THADA: variants seen among roughly 807,000 people sequenced by gnomAD.
The protein encoded by THADA is tRNA (32-2'-O)-methyltransferase regulator THADA.
THADA carries 213 observed loss-of-function variants against 219.8 expected under a neutral mutation model. The observed-to-expected ratio is 0.97, with a 90% CI of 0.87 to 1.09. The LOEUF is 1.09. Among genes scored for constraint, THADA ranks in the 50% least tolerant of loss-of-function variants. The pLI, the probability that THADA is intolerant of heterozygous loss-of-function variation, is 0.00. For missense variants in THADA, 2,956 were observed against 2,311.3 expected (o/e 1.28, Z -5.72); for synonymous variants, 1,018 against 828.9 (o/e 1.23, Z -3.92).
chr2:43,248,433 T>C (rs984670418), intron 36 of THADA, among the ~76,000 whole-genome samples: 11 of 152,000 alleles, frequency 7.2e-5, no homozygotes, highest in African/African-American at 2.7e-4. Flanking sequence ...GGTTTTGCCA[T>C]GTTGGCCAGG....
rs185698821 is a variant in THADA at position 43,497,715 on chromosome 2, T to C, written c.3744+1118A>G. ...GCCTGGCTAACATAGTGAAACCCTC[T>C]CTCTACCAAAAATACAAAAATTAGC... On this transcript the variant is annotated intron_variant, in intron 25 of 37. Transcript: ENST00000405975. Among the ~76,000 whole-genome samples, 4 of 152,154 alleles carry C rather than the reference T, an allele frequency of 2.6e-5. No individual in the cohort carries two copies. In the East Asian group the frequency reaches 7.7e-4, roughly 29 times the overall value.
intron 29 of THADA, among the ~76,000 whole-genome samples, chr2:43,385,529 C>A (rs1032835916): frequency 6.6e-6 from 1 of 150,846 alleles, no homozygotes; most frequent in Non-Finnish European, 1.5e-5. Flanking sequence ...ATGGCGTGAA[C>A]CCGGAAGGCG....
chr2:43,381,535 CACG>C (rs1293992792), intron 29 of THADA, among the ~76,000 whole-genome samples: 1 of 151,396 alleles, frequency 6.6e-6, no homozygotes, highest in Non-Finnish European at 1.5e-5. Flanking sequence ...ACCTGGCAAA[CACG>C]ACTTCTAAGC....
At chr2:43,476,431 T>C (rs1474856060) in intron 26 of THADA, among the ~76,000 whole-genome samples, 1 of 152,210 alleles carries the variant, frequency 6.6e-6, no homozygotes, top group Non-Finnish European at 1.5e-5. Context: ...TCTCTGATGA[T>C]GTTTTCAACC....
rs575315899 is a variant in THADA, at chr2:43,552,010, T to C, written c.2811-85A>G. The C allele has an allele frequency of 1.8e-3, 2,764 of 1,565,658 alleles. 13 individuals carry two copies. The highest frequency in any genetic ancestry group is 5.3e-3 in the South Asian group (437 of 83,080). ...AAATTAGATAAAAGGATTGACTTTG[T>C]GTTTCAAAATTGTTCAATACATAAA... On this transcript the variant is annotated intron_variant, in intron 18 of 37. Coordinates refer to ENST00000405975, the MANE Select transcript of THADA (RefSeq NM_022065.5).
chr2:43,334,432 T>C (rs899301565), intron 30 of THADA, among the ~76,000 whole-genome samples: 1 of 152,124 alleles, frequency 6.6e-6, no homozygotes, highest in Non-Finnish European at 1.5e-5. Context: ...CAACAAACAT[T>C]AGCTCCCTCT....
intron 37 of THADA, among the ~76,000 whole-genome samples, chr2:43,231,860 C>T (rs553368286): frequency 1.1e-4 from 17 of 152,300 alleles, no homozygotes; most frequent in African/African-American, 3.9e-4. Flanking sequence ...AGGGACAATG[C>T]GTTTTGAACC....
At chr2:43,240,310 CT>C (rs772769835) in intron 36 of THADA, among the ~76,000 whole-genome samples, 2 of 152,292 alleles carry the variant, frequency 1.3e-5, no homozygotes, top group East Asian at 1.9e-4. Context: ...ACTGCACTTT[CT>C]TTTTTTCTGA....
chr2:43,343,493 A>T (rs1167869632), intron 30 of THADA: 2 of 152,278 alleles, frequency 1.3e-5, no homozygotes, highest in African/African-American at 2.4e-5. Context: ...GTCCTGCAAC[A>T]CAGATTTTGA....
At chr2:43,473,420 C>G (rs1225778332) in intron 26 of THADA, among the ~76,000 whole-genome samples, 2 of 152,154 alleles carry the variant, frequency 1.3e-5, no homozygotes, top group Non-Finnish European at 1.5e-5. Context: ...GAGCTGTTGT[C>G]TCCTATGAGA....
At chr2:43,255,158 G>T (rs773648713) in intron 36 of THADA, among the ~76,000 whole-genome samples, 11 of 152,158 alleles carry the variant, frequency 7.2e-5, no homozygotes, top group Non-Finnish European at 1.2e-4. Flanking sequence ...TACTCATAAA[G>T]CAGGTACCAG....
chr2:43,415,547 G>C (rs1257073979), intron 28 of THADA, among the ~76,000 whole-genome samples: 1 of 152,148 alleles, frequency 6.6e-6, no homozygotes, highest in African/African-American at 2.4e-5. Context: ...GAAGAACTCA[G>C]GAAAAAACAG....
At chr2:43,452,230 T>G (rs924559450) in intron 26 of THADA, among the ~76,000 whole-genome samples, 1 of 152,194 alleles carries the variant, frequency 6.6e-6, no homozygotes, top group African/African-American at 2.4e-5. Context: ...TATCATTTTG[T>G]TCAGCTAACA....
chr2:43,508,666 T>C lies in THADA; in HGVS notation c.3489A>G (p.Gly1163=). Residue 1163 remains glycine (G), a synonymous_variant, in exon 23 of 38, where the codon GGA becomes GGG. Coordinates refer to ENST00000405975, the MANE Select transcript of THADA (RefSeq NM_022065.5). ...SKLCATRRSA[G]IPFYIQALLA... is the part of the protein sequence containing the mutation. ...TAAATACCTGTATGTAGAAAGGAAT[T>C]CCAGCACTGCGCCTTGTAGCACAGA... The C allele has an allele frequency of 6.2e-7, 1 of 1,613,366 alleles. No homozygotes were observed. Among genetic ancestry groups the C allele is most frequent in the Non-Finnish European group, 8.5e-7 (1 of 1,179,592 alleles).
At chr2:43,540,662 C>G (rs1045422529) in intron 21 of THADA, among the ~76,000 whole-genome samples, 1 of 152,182 alleles carries the variant, frequency 6.6e-6, no homozygotes, top group Non-Finnish European at 1.5e-5. Flanking sequence ...ACACCGCACT[C>G]AAGTCACTTG....
intron 20 of THADA, among the ~76,000 whole-genome samples, chr2:43,547,766 T>C (rs1696222944): frequency 1.3e-5 from 2 of 152,202 alleles, no homozygotes; most frequent in African/African-American, 2.4e-5. Flanking sequence ...TATACATTTG[T>C]CTAAATTTTT....
chr2:43,474,856 GTTTC>G (rs1052588837), intron 26 of THADA, among the ~76,000 whole-genome samples: 2 of 152,132 alleles, frequency 1.3e-5, no homozygotes, highest in Non-Finnish European at 2.9e-5. Context: ...TTAGTAACCT[GTTTC>G]TTTCTCAAGA....
chr2:43,273,824 G>A (rs1413815753), intron 36 of THADA, among the ~76,000 whole-genome samples: 1 of 152,050 alleles, frequency 6.6e-6, no homozygotes, highest in East Asian at 1.9e-4. Flanking sequence ...TCAAGGGTCG[G>A]GGCATATGAG....
intron 26 of THADA, among the ~76,000 whole-genome samples, chr2:43,431,895 C>T (rs796758323): frequency 2.9e-5 from 2 of 69,810 alleles, no homozygotes; most frequent in Admixed American, 1.5e-4. Flanking sequence ...CTCGCTCTGT[C>T]GCCCAGGCTG....
Sources: allele counts gnomAD v4.1 joint callset (sites outside exome capture counted in the v4.1 genomes callset), GRCh38; gene constraint gnomAD v4.1.1; transcripts MANE v1.5; gene names NCBI Gene and HGNC (gene_info 2026-07-23, HGNC 2026-07-21).